Variants in FAT3 observed in about 807,000 individuals in gnomAD.
FAT3 encodes protocadherin Fat 3.
FAT3 carries 95 observed loss-of-function variants against 310.2 expected under a neutral mutation model. The observed-to-expected ratio is 0.31, with a 90% CI of 0.26 to 0.36. FAT3 has a LOEUF of 0.36. FAT3 is among the 10% of genes least tolerant of loss of function. FAT3 has a pLI of 1.00. For missense variants in FAT3, 5,408 were observed against 5,715.6 expected, an observed-to-expected ratio of 0.95 and a Z score of 1.74; for synonymous variants, 2,314 against 2,192.9, an observed-to-expected ratio of 1.06 and a Z score of -1.54.
At chr11:92,273,509 T>C (rs1010538739) in intron 1 of FAT3, among the ~76,000 whole-genome samples, 1 of 152,140 alleles carries the variant, frequency 6.6e-6, no homozygotes, top group Non-Finnish European at 1.5e-5. Flanking sequence ...GATGGTGATA[T>C]CGATCTGGTA....
At chr11:92,240,215 G>T (rs1864619165) in intron 1 of FAT3, among the ~76,000 whole-genome samples, 1 of 149,070 alleles carries the variant, frequency 6.7e-6, no homozygotes, top group Admixed American at 6.7e-5. Context: ...TCATTTAATT[G>T]TACTGTGACT....
chr11:92,783,896 A>G (rs939588275), intron 7 of FAT3, among the ~76,000 whole-genome samples: 4 of 152,232 alleles, frequency 2.6e-5, no homozygotes, highest in Non-Finnish European at 5.9e-5. Flanking sequence ...AGGGATCTTT[A>G]TATTTAAAAT....
At chr11:92,329,998 A>C (rs1947870643) in intron 1 of FAT3, among the ~76,000 whole-genome samples, 1 of 152,052 alleles carries the variant, frequency 6.6e-6, no homozygotes, top group African/African-American at 2.4e-5. Context: ...TTTTAAAGTC[A>C]AACATTAAAA....
chr11:92,793,245 C>T (rs1002028575), intron 9 of FAT3, among the ~76,000 whole-genome samples: 1 of 152,066 alleles, frequency 6.6e-6, no homozygotes, highest in African/African-American at 2.4e-5. Flanking sequence ...AAAATAAATA[C>T]GTAATAAATT....
At chr11:92,554,431 C>T (rs1954935186) in intron 3 of FAT3, among the ~76,000 whole-genome samples, 1 of 128,264 alleles carries the variant, frequency 7.8e-6, no homozygotes, top group Non-Finnish European at 1.6e-5. Context: ...CACTGCACTC[C>T]AACCTGGGCG....
At chr11:92,442,099 ATATATATATATATTT>A (rs1951081394) in intron 2 of FAT3, among the ~76,000 whole-genome samples, 2 of 42,646 alleles carry the variant, frequency 4.7e-5, no homozygotes, top group African/African-American at 2.7e-4. Flanking sequence ...ATATATATAT[ATATATATATATATTT>A]TTTTTTTTTT....
At chr11:92,344,905 A>T (rs967351684) in intron 1 of FAT3, among the ~76,000 whole-genome samples, 2 of 152,126 alleles carry the variant, frequency 1.3e-5, no homozygotes, top group Non-Finnish European at 2.9e-5. Flanking sequence ...TCATATGGAG[A>T]TTAAAAAGCA....
intron 3 of FAT3, among the ~76,000 whole-genome samples, chr11:92,676,750 T>G (rs1286096588): frequency 3.9e-5 from 6 of 152,206 alleles, no homozygotes; most frequent in Non-Finnish European, 5.9e-5. Context: ...AGCTATATAT[T>G]TAGGCCTGAA....
At chr11:92,458,974 G>A (rs972591639) in intron 2 of FAT3, among the ~76,000 whole-genome samples, 1 of 152,164 alleles carries the variant, frequency 6.6e-6, no homozygotes, top group Non-Finnish European at 1.5e-5. Flanking sequence ...GGCAAAATTT[G>A]CAACTACTTA....
chr11:92,519,190 GGTA>G (rs1953599472), intron 2 of FAT3, among the ~76,000 whole-genome samples: 2 of 152,110 alleles, frequency 1.3e-5, no homozygotes, highest in Admixed American at 1.3e-4. Flanking sequence ...TTGGCATAAA[GGTA>G]GTCAAACAGA....
intron 21 of FAT3, 72 bp from the exon 22 acceptor site, chr11:92,866,669 C>G: frequency 7.2e-7 from 1 of 1,393,784 alleles, no homozygotes; most frequent in Non-Finnish European, 9.7e-7. Flanking sequence ...CCGGGCCGGC[C>G]AGGAGCAGGG....
chr11:92,494,031 ATTT>A (rs5793604), intron 2 of FAT3, among the ~76,000 whole-genome samples: 70,342 of 144,264 alleles, frequency 0.49, 16,531 homozygotes, highest in Middle Eastern at 0.6. Context: ...ATCTGATTCT[ATTT>A]TTTTTTTTTT....
At chr11:92,649,190 A>T (rs1200975414) in intron 3 of FAT3, among the ~76,000 whole-genome samples, 1 of 152,180 alleles carries the variant, frequency 6.6e-6, no homozygotes, top group African/African-American at 2.4e-5. Flanking sequence ...GGATTCCTGG[A>T]TCTATTGATT....
intron 4 of FAT3, among the ~76,000 whole-genome samples, chr11:92,742,536 G>T (rs1034089682): frequency 1.3e-5 from 2 of 152,196 alleles, no homozygotes; most frequent in African/African-American, 4.8e-5. Flanking sequence ...CAACCATGTC[G>T]GAGGTAGAAC....
intron 3 of FAT3, among the ~76,000 whole-genome samples, chr11:92,546,067 A>G (rs1954607262): frequency 6.6e-6 from 1 of 152,188 alleles, no homozygotes; most frequent in African/African-American, 2.4e-5. Flanking sequence ...TTGTGGTTGA[A>G]GATAACAGAT....
intron 3 of FAT3, among the ~76,000 whole-genome samples, chr11:92,692,430 T>A (rs1452558037): frequency 1.3e-5 from 2 of 152,160 alleles, no homozygotes; most frequent in East Asian, 1.9e-4. Flanking sequence ...AGACTGACTG[T>A]TTGGAAAATA....
At chr11:92,716,841 G>A (rs1195117087) in intron 4 of FAT3, among the ~76,000 whole-genome samples, 1 of 152,160 alleles carries the variant, frequency 6.6e-6, no homozygotes, top group Non-Finnish European at 1.5e-5. Context: ...ATTTAATGTT[G>A]TTACAGTGAA....
chr11:92,444,279 C>A (rs1001402067), intron 2 of FAT3, among the ~76,000 whole-genome samples: 6 of 152,030 alleles, frequency 3.9e-5, no homozygotes, highest in Non-Finnish European at 8.8e-5. Flanking sequence ...TCCAGTTACC[C>A]AGTTAATCAA....
intron 2 of FAT3, among the ~76,000 whole-genome samples, chr11:92,362,690 T>C (rs971399352): frequency 1.3e-5 from 2 of 152,252 alleles, no homozygotes; most frequent in African/African-American, 4.8e-5. Flanking sequence ...ATTTATTAAA[T>C]GTTCCTCATT....
Sources: allele counts gnomAD v4.1 joint callset (sites outside exome capture counted in the v4.1 genomes callset), GRCh38; gene constraint gnomAD v4.1.1; transcripts MANE v1.5; gene names NCBI Gene and HGNC (gene_info 2026-07-23, HGNC 2026-07-21).